Variants in RBFOX1 observed in about 807,000 individuals in gnomAD.
The protein encoded by RBFOX1 is RNA binding protein fox-1 homolog 1.
RBFOX1 carries 8 observed loss-of-function variants against 57.7 expected under a neutral mutation model. The observed-to-expected ratio is 0.14, with a 90% CI of 0.08 to 0.25. The LOEUF is 0.25. Among genes scored for constraint, RBFOX1 ranks in the 10% least tolerant of loss-of-function variants. RBFOX1 has a pLI of 1.00. For synonymous variants in RBFOX1, 326 were observed against 222.4 expected, an observed-to-expected ratio of 1.47 and a Z score of -4.15; for missense variants, 611 against 548.5, an observed-to-expected ratio of 1.11 and a Z score of -1.14.
chr16:7,212,569 G>C (rs2091347021), intron 4 of RBFOX1, among the ~76,000 whole-genome samples: 2 of 152,078 alleles, frequency 1.3e-5, no homozygotes. Context: ...TTTCCAAGCA[G>C]AGTAGTCTCA....
intron 1 of RBFOX1, among the ~76,000 whole-genome samples, chr16:5,434,106 T>C (rs1334966922): frequency 6.6e-6 from 1 of 152,156 alleles, no homozygotes; most frequent in Admixed American, 6.5e-5. Context: ...TGCAGACCTG[T>C]ACAGAACCTC....
At chr16:5,746,546 C>T (rs1567483155) in intron 3 of RBFOX1, among the ~76,000 whole-genome samples, 1 of 152,166 alleles carries the variant, frequency 6.6e-6, no homozygotes, top group Non-Finnish European at 1.5e-5. Context: ...GCCATCTTCA[C>T]GATATTGGTT....
intron 3 of RBFOX1, among the ~76,000 whole-genome samples, chr16:6,961,974 C>T (rs529952728): frequency 9.5e-4 from 144 of 151,930 alleles, no homozygotes; most frequent in African/African-American, 3.4e-3. Context: ...CTAAGAATGT[C>T]TAACCTCATG....
intron 14 of RBFOX1, among the ~76,000 whole-genome samples, chr16:7,706,947 A>G (rs1007360461): frequency 5.3e-5 from 8 of 152,202 alleles, no homozygotes; most frequent in African/African-American, 9.6e-5. Flanking sequence ...TTGGACCGAT[A>G]CCTGTTTTTC....
intron 1 of RBFOX1, among the ~76,000 whole-genome samples, chr16:5,275,726 C>G (rs772812271): frequency 6.6e-6 from 1 of 152,062 alleles, no homozygotes; most frequent in Non-Finnish European, 1.5e-5. Context: ...TCTGCATAGC[C>G]AAAGCAAAAC....
At chr16:5,745,165 C>T (rs1230180971) in intron 3 of RBFOX1, among the ~76,000 whole-genome samples, 6 of 152,142 alleles carry the variant, frequency 3.9e-5, no homozygotes, top group African/African-American at 9.7e-5. Flanking sequence ...TTGTTCAATT[C>T]CCACCTATAA....
chr16:7,023,939 C>A (rs545162335), intron 3 of RBFOX1, among the ~76,000 whole-genome samples: 1 of 152,156 alleles, frequency 6.6e-6, no homozygotes, highest in East Asian at 1.9e-4. Context: ...CTTTTGATTC[C>A]CATGAGGGCA....
chr16:7,214,326 A>G (rs910741102), intron 4 of RBFOX1, among the ~76,000 whole-genome samples: 3 of 152,294 alleles, frequency 2.0e-5, no homozygotes, highest in African/African-American at 2.4e-5. Context: ...TCCAGCAAAT[A>G]TATTTCCCTG....
At chr16:6,429,769 G>C (rs2094025913) in intron 2 of RBFOX1, among the ~76,000 whole-genome samples, 3 of 152,118 alleles carry the variant, frequency 2.0e-5, no homozygotes, top group Admixed American at 1.3e-4. Context: ...GATGTGTCTT[G>C]CTTTCCCCTT....
chr16:6,452,507 A>T (rs563039156), intron 2 of RBFOX1, among the ~76,000 whole-genome samples: 1 of 152,232 alleles, frequency 6.6e-6, no homozygotes, highest in South Asian at 2.1e-4. Context: ...GTAGGCAAAA[A>T]CTCATGGAGA....
chr16:7,667,523 T>G (rs953442155), intron 13 of RBFOX1, among the ~76,000 whole-genome samples: 2 of 152,148 alleles, frequency 1.3e-5, no homozygotes, highest in African/African-American at 2.4e-5. Flanking sequence ...AACAGACTCT[T>G]AGAAAGTCAT....
At chr16:7,427,607 C>G (rs979716891) in intron 4 of RBFOX1, among the ~76,000 whole-genome samples, 4 of 151,566 alleles carry the variant, frequency 2.6e-5, no homozygotes, top group African/African-American at 7.3e-5. Context: ...TCTTTCTTTT[C>G]TTTTCTTTTT....
intron 3 of RBFOX1, among the ~76,000 whole-genome samples, chr16:6,782,147 C>A (rs935689291): frequency 6.6e-6 from 1 of 152,128 alleles, no homozygotes; most frequent in Non-Finnish European, 1.5e-5. Context: ...GCTGGGACTA[C>A]GGGCATGCAC....
At chr16:6,654,760 C>T (rs775046943) in intron 3 of RBFOX1, 110 bp downstream of exon 3, 18 of 697,814 alleles carry the variant, frequency 2.6e-5, no homozygotes, top group East Asian at 9.4e-5. Context: ...AGGTGATTCA[C>T]GGTCTATGAC....
chr16:7,412,357 G>C (rs1385472185), intron 4 of RBFOX1, among the ~76,000 whole-genome samples: 2 of 150,584 alleles, frequency 1.3e-5, no homozygotes, highest in Admixed American at 1.3e-4. Context: ...AGAGGTTGCA[G>C]GGAGCCGAGA....
chr16:6,106,435 CA>C (rs1034626709), intron 1 of RBFOX1, among the ~76,000 whole-genome samples: 9 of 139,426 alleles, frequency 6.5e-5, no homozygotes, highest in Admixed American at 1.5e-4. Flanking sequence ...CACTGTACTC[CA>C]GCCTGGGCAA....
intron 2 of RBFOX1, among the ~76,000 whole-genome samples, chr16:6,488,153 G>T (rs1384113411): frequency 6.6e-6 from 1 of 152,122 alleles, no homozygotes; most frequent in African/African-American, 2.4e-5. Flanking sequence ...TATGAGGAAG[G>T]CCTCTGCCAG....
At chr16:5,296,572 AT>A (rs200092819) in intron 1 of RBFOX1, among the ~76,000 whole-genome samples, 5 of 151,262 alleles carry the variant, frequency 3.3e-5, no homozygotes, top group South Asian at 2.1e-4. Context: ...AAAAAAAAAA[AT>A]TTTTTTTTAA....
In RBFOX1 at chr16:6,710,684, T is replaced by C. The variant is rs188231469; in HGVS notation, c.-16+56034T>C. On this transcript the variant is annotated intron_variant, in intron 3 of 15. Coordinates refer to ENST00000550418, the MANE Select transcript of RBFOX1 (RefSeq NM_018723.4). ...GAATCCAGAAACACACCTGCTGCAG[T>C]TTGGAAATTCCCCACATCAAGGCCC... Among the ~76,000 whole-genome samples, 262 of 152,292 alleles carry C rather than the reference T, an allele frequency of 1.7e-3. No homozygotes were observed. The East Asian group carries it at 0.031, about 18-fold the overall frequency.
Sources: gnomAD v4.1 joint callset for allele counts (sites outside exome capture counted in the v4.1 genomes callset) on GRCh38, gnomAD v4.1.1 for gene constraint, MANE v1.5 for transcripts, NCBI Gene and HGNC (gene_info 2026-07-23, HGNC 2026-07-21) for gene names.